TGM1: variants seen among roughly 807,000 people sequenced by gnomAD.
TGM1 encodes the protein transglutaminase 1.
A neutral mutation model predicts 88.7 loss-of-function variants in TGM1; 63 were observed. The observed-to-expected ratio is 0.71, with a 90% CI of 0.58 to 0.88. The LOEUF is 0.88. TGM1 is among the 40% of genes least tolerant of loss of function. The pLI is 0.00. For missense variants in TGM1, 996 were observed against 1,118.0 expected (o/e 0.89, Z 1.56); for synonymous variants, 415 against 431.1 (o/e 0.96, Z 0.46).
chr14:24,262,182 T>G lies in TGM1; in HGVS notation c.171A>C (p.Ala57=). Residue 57 remains alanine, a synonymous_variant, in exon 2 of 15, where the codon GCA becomes GCC. Transcript: ENST00000206765. The part of the protein sequence containing the change: ...CCGCCSCRNA[A]DDDWGPEPSD... ...AGGGTTCAGGTCCCCAGTCGTCATCTGCCGCATTTCGGCATGAACAGCAGC... is the reference window on the plus strand; with the variant it reads ...AGGGTTCAGGTCCCCAGTCGTCATCGGCCGCATTTCGGCATGAACAGCAGC... 6.2e-7 allele frequency: 1 copy of G among 1,613,730 alleles called. No homozygotes were observed. Among genetic ancestry groups the G allele is most frequent in the Non-Finnish European group, 8.5e-7 (1 of 1,180,042 alleles).
intron 13 of TGM1, 102 bp downstream of exon 13, chr14:24,254,562 C>T: frequency 6.3e-7 from 1 of 1,577,520 alleles, no homozygotes; most frequent in Non-Finnish European, 8.7e-7. Context: ...TACAAAGGCT[C>T]ATCAGGCCAG....
At position 24,255,512 on chromosome 14, in the gene TGM1, A is replaced by G. The variant is rs1162874954; in HGVS notation, c.1497T>C (p.Asn499=). ...YDTPFIFAEV[N]SDKVYWQRQD... is the part of the protein sequence containing the mutation. The stretch of plus-strand genomic sequence containing the variant: ...GCCGCTGCCAGTACACCTTGTCACT[A>G]TTCACCTGTGGGGGGTGGGGGTGAG... The change falls in exon 11 of 15, where the codon AAT becomes AAC. Residue 499 remains asparagine (N), a synonymous_variant. Transcript: ENST00000206765. This position sits in a 1 kb window ranked among gnomAD's most constrained non-coding sequence, Gnocchi z 4.0. 6.2e-7 allele frequency: 1 copy of G among 1,613,194 alleles called. No individual in the cohort carries two copies. Among genetic ancestry groups the G allele is most frequent in the Admixed American group, 1.7e-5 (1 of 60,012 alleles).
In TGM1 at chr14:24,259,795, A is replaced by G; in HGVS notation, c.893T>C (p.Leu298Pro). ...GTCCAGGATGTATAAGCAGGCATCC[A>G]GCACCCCGTGGTCAAACTGGAAGGA... The part of the protein sequence containing the change: ...WNYGQFDHGV[L>P]DACLYILDRR... Residue 298 changes from leucine to proline, a missense_variant, in exon 6 of 15, where the codon CTG (leucine) becomes CCG (proline). Transcript: ENST00000206765. This position sits in a 1 kb window ranked among gnomAD's most constrained non-coding sequence, Gnocchi z 5.7. 1.9e-6 allele frequency: 3 copies of G among 1,613,248 alleles called. No individual in the cohort carries two copies. The highest frequency in any genetic ancestry group is 1.7e-5 in the Admixed American group (1 of 59,994).
intron 14 of TGM1, among the ~76,000 whole-genome samples, chr14:24,253,603 C>T (rs1302156580): frequency 6.6e-6 from 1 of 152,152 alleles, no homozygotes; most frequent in African/African-American, 2.4e-5. Flanking sequence ...CTTAGACTCC[C>T]AAGTAGCTGG....
chr14:24,259,131 G>C lies in TGM1; in HGVS notation c.1103C>G (p.Thr368Arg), dbSNP rs199786703. 9.3e-6 allele frequency: 15 copies of C among 1,614,138 alleles called. No homozygotes were observed. Among genetic ancestry groups the C allele is most frequent in the Non-Finnish European group, 1.3e-5 (15 of 1,180,010 alleles). Residue 368 changes from threonine to arginine, a missense_variant, in exon 7 of 15, where the codon ACG (threonine) becomes AGG (arginine). Transcript: ENST00000206765. This position sits in a 1 kb window ranked among gnomAD's most constrained non-coding sequence, Gnocchi z 5.7. The part of the protein sequence containing the change: ...SVEILLSYLR[T>R]GYSVPYGQCW... ...CTGGCCATAGGGGACGGAATATCCC[G>C]TGCGTAGGTAGCTAAGCAGGATCTC... is the stretch of plus-strand genomic sequence containing the variant.
At chr14:24,260,168 G>A in intron 4 of TGM1, 110 bp from the exon 5 acceptor site, 2 of 1,078,598 alleles carry the variant, frequency 1.9e-6, no homozygotes, top group Admixed American at 1.7e-5. Flanking sequence ...ATGCGGGGAT[G>A]CCCCTAGCCT....
intron 13 of TGM1, 135 bp from the exon 14 acceptor site, chr14:24,254,423 G>C (rs2040726805): frequency 7.9e-6 from 11 of 1,399,766 alleles, no homozygotes; most frequent in Non-Finnish European, 1.1e-5. Context: ...CCTGAGAGAA[G>C]ATTCCCCAGA....
chr14:24,250,482 C>A (rs1001592306), intron 14 of TGM1, among the ~76,000 whole-genome samples: 1 of 152,166 alleles, frequency 6.6e-6, no homozygotes, highest in Non-Finnish European at 1.5e-5. Context: ...CTGCTACTTG[C>A]ACAGCCTCAT....
At chr14:24,254,010 A>G (rs2040722152) in intron 14 of TGM1, 142 bp downstream of exon 14, 3 of 1,176,444 alleles carry the variant, frequency 2.6e-6, no homozygotes, top group East Asian at 5.2e-5. Flanking sequence ...GCCGGGAGGT[A>G]TTGCTAGCTG....
rs768452927 is a variant in TGM1 at position 24,260,619 on chromosome 14, C to T, written c.588G>A (p.Gln196=). The T allele has an allele frequency of 3.7e-6, 6 of 1,614,084 alleles. No homozygotes were observed. The Admixed American group carries it at 5.0e-5, about 13-fold the overall frequency. The change falls in exon 4 of 15, where the codon CAG becomes CAA. Residue 196 remains glutamine, a synonymous_variant. Transcript: ENST00000206765. ...GKGGSGGWKA[Q]VVKASGQNLN... ...GATTCTGCCCACTGGCCTTGACCAC[C>T]TGGGCTTTCCAGCCTCCACTGCCCC...
At position 24,259,325 on chromosome 14, in the gene TGM1, C is replaced by T. The variant is rs889582433; in HGVS notation, c.985-76G>A. 2.8e-5 allele frequency: 40 copies of T among 1,437,656 alleles called. No homozygotes were observed. The highest frequency in any genetic ancestry group is 3.4e-5 in the Non-Finnish European group (36 of 1,044,146). The allele number at this position is 1,437,656 out of a possible 1,614,324, so 89.1% of individuals were successfully genotyped here. On this transcript the variant is annotated intron_variant, in intron 6 of 14. Coordinates refer to ENST00000206765, the MANE Select transcript of TGM1 (RefSeq NM_000359.3). The surrounding 1 kb of genome is among the most constrained non-coding windows in gnomAD (Gnocchi z 5.7). ...CTGCCATGTGGTCCATGGGGACCAG[C>T]CGGGCCCCGATCCTGCAACCACCCC...
At position 24,255,158 on chromosome 14, in the gene TGM1, T is replaced by C. The variant is rs1289487976; in HGVS notation, c.1741A>G (p.Met581Val). Residue 581 changes from methionine (M) to valine (V), a missense_variant, in exon 12 of 15, where the codon ATG (methionine) becomes GTG (valine). Coordinates refer to ENST00000206765, the MANE Select transcript of TGM1 (RefSeq NM_000359.3). The surrounding 1 kb of genome is among the most constrained non-coding windows in gnomAD (Gnocchi z 4.0). ...ACCGCGTCCTGTGCCTCCACCTGCATGGCCACATCCTCCGCTGAGCCCCGG... is the reference window on the plus strand; with the variant it reads ...ACCGCGTCCTGTGCCTCCACCTGCACGGCCACATCCTCCGCTGAGCCCCGG... ...ANRGSAEDVA[M>V]QVEAQDAVMG... is the part of the protein sequence containing the mutation. 3.1e-6 allele frequency: 5 copies of C among 1,614,110 alleles called. No individual in the cohort carries two copies. In the South Asian group the frequency reaches 4.4e-5, roughly 14 times the overall value.
intron 12 of TGM1, 53 bp from the exon 13 acceptor site, chr14:24,254,877 C>G (rs1384497871): frequency 3.1e-6 from 5 of 1,612,558 alleles, no homozygotes; most frequent in Non-Finnish European, 4.2e-6. Context: ...CATGAGGCTT[C>G]CCCCAGGGAC....
chr14:24,258,815 G>C (rs1281094811), intron 7 of TGM1, 142 bp from the exon 8 acceptor site: 1 of 1,315,804 alleles, frequency 7.6e-7, no homozygotes, highest in South Asian at 1.4e-5. Flanking sequence ...GGGGCCACAA[G>C]GCCTTTGGGC....
intron 9 of TGM1, among the ~76,000 whole-genome samples, chr14:24,257,662 C>T (rs1320513913): frequency 6.6e-6 from 1 of 152,196 alleles, no homozygotes; most frequent in African/African-American, 2.4e-5. Flanking sequence ...CTCTGGCCAC[C>T]CTTTGGAGTG....
rs752029585 is a variant in TGM1, at chr14:24,260,643, C to T, written c.564G>A (p.Gly188=). ...CCTGGGCTTTCCAGCCTCCACTGCC[C>T]CCCTTGCCCACTGGGATGATCACGT... ...GTHVIIPVGK[G]GSGGWKAQVV... Residue 188 remains glycine, a synonymous_variant, in exon 4 of 15, where the codon GGG becomes GGA. Transcript: ENST00000206765. 27 of 1,614,072 alleles carry T rather than the reference C, an allele frequency of 1.7e-5. No individual in the cohort carries two copies. The highest frequency in any genetic ancestry group is 1.6e-4 in the South Asian group (15 of 91,092).
At position 24,259,462 on chromosome 14, in the gene TGM1, G is replaced by A. The variant is rs990421902; in HGVS notation, c.985-213C>T. 6.6e-6 allele frequency among the ~76,000 whole-genome samples: 1 copy of A among 152,212 alleles called. No homozygotes were observed. Among genetic ancestry groups the A allele is most frequent in the Non-Finnish European group, 1.5e-5 (1 of 68,042 alleles). On this transcript the variant is annotated intron_variant, in intron 6 of 14. Coordinates refer to ENST00000206765, the MANE Select transcript of TGM1 (RefSeq NM_000359.3). This position sits in a 1 kb window ranked among gnomAD's most constrained non-coding sequence, Gnocchi z 5.7. ...TCTGACACAGGAATGTGAATCCTGG[G>A]TGTGCCAAGTTTTGGGTTTGGCCCT...
At chr14:24,256,594 T>C (rs774183565) in intron 9 of TGM1, among the ~76,000 whole-genome samples, 7 of 152,216 alleles carry the variant, frequency 4.6e-5, no homozygotes, top group Non-Finnish European at 8.8e-5. Flanking sequence ...CCTGCTGCCC[T>C]TTCTACTGGG....
In TGM1 at chr14:24,262,198, G is replaced by C; in HGVS notation, c.155C>G (p.Ser52Ter). ...GTCGTCATCTGCCGCATTTCGGCATGAACAGCAGCCACAGCAGCGAGCCCA... is the reference window on the plus strand; with the variant it reads ...GTCGTCATCTGCCGCATTTCGGCATCAACAGCAGCCACAGCAGCGAGCCCA... ...SFWARCCGCCSCRNAADDDWG... is the reference protein window; with the variant it reads ...SFWARCCGCC The change falls in exon 2 of 15, where the codon TCA becomes TGA. Residue 52 changes from serine (S) to a stop codon, truncating the protein, a stop_gained. Transcript: ENST00000206765. LOFTEE classifies it high-confidence loss of function. 1 of 1,613,738 alleles carries C rather than the reference G, an allele frequency of 6.2e-7. No individual in the cohort carries two copies. The highest frequency in any genetic ancestry group is 8.5e-7 in the Non-Finnish European group (1 of 1,180,044).
Sources: gnomAD v4.1 joint callset for allele counts (sites outside exome capture counted in the v4.1 genomes callset) on GRCh38, gnomAD v4.1.1 for gene constraint, Gnocchi (gnomAD v3.1) non-coding constraint, MANE v1.5 for transcripts, NCBI Gene and HGNC (gene_info 2026-07-23, HGNC 2026-07-21) for gene names.